CACNA1E: variants seen among roughly 807,000 people sequenced by gnomAD.
CACNA1E encodes the protein calcium voltage-gated channel subunit alpha1 E.
CACNA1E carries 40 observed loss-of-function variants against 259.2 expected under a neutral mutation model. That is an observed-to-expected ratio of 0.15 (90% CI 0.12 to 0.20). The LOEUF (loss-of-function observed/expected upper bound fraction) is 0.20. Among genes scored for constraint, CACNA1E ranks in the 10% least tolerant of loss-of-function variants. The pLI is 1.00. For synonymous variants in CACNA1E, 1,104 were observed against 1,138.5 expected (o/e 0.97, Z 0.61); for missense variants, 1,874 against 3,040.1 (o/e 0.62, Z 9.02).
At chr1:181,319,767 T>C (rs993884567) in intron 1 of CACNA1E, among the ~76,000 whole-genome samples, 7 of 152,226 alleles carry the variant, frequency 4.6e-5, no homozygotes, top group African/African-American at 1.2e-4. Flanking sequence ...TATGCTAGGT[T>C]AGAGGTAGGG....
chr1:181,356,622 A>G (rs748862430), intron 1 of CACNA1E, among the ~76,000 whole-genome samples: 80 of 152,334 alleles, frequency 5.3e-4, no homozygotes, highest in Non-Finnish European at 2.1e-4. Context: ...GAAGAGAGCC[A>G]GGTCTGCTCT....
At chr1:181,579,641 CTCTG>C (rs1371088480) in intron 5 of CACNA1E, among the ~76,000 whole-genome samples, 3 of 152,066 alleles carry the variant, frequency 2.0e-5, no homozygotes, top group African/African-American at 7.2e-5. Context: ...GTCCCTATCT[CTCTG>C]TCTACAGAAA....
chr1:181,474,856 A>G (rs187346174), intron 2 of CACNA1E, among the ~76,000 whole-genome samples: 6 of 152,338 alleles, frequency 3.9e-5, no homozygotes, highest in African/African-American at 1.4e-4. Context: ...CCTATTGTTT[A>G]ATGATTGATA....
intron 3 of CACNA1E, among the ~76,000 whole-genome samples, chr1:181,517,963 T>C (rs1324280119): frequency 1.3e-5 from 2 of 152,060 alleles, no homozygotes; most frequent in African/African-American, 2.4e-5. Flanking sequence ...AATAGTATGA[T>C]ATCAGTGGGT....
At chr1:181,792,807 A>G (rs533759133) in intron 44 of CACNA1E, among the ~76,000 whole-genome samples, 5 of 152,236 alleles carry the variant, frequency 3.3e-5, no homozygotes, top group Non-Finnish European at 7.3e-5. Context: ...TCTTTATGCA[A>G]TGATACTAGC....
At chr1:181,400,815 C>G (rs1163111439) in intron 1 of CACNA1E, among the ~76,000 whole-genome samples, 1 of 152,136 alleles carries the variant, frequency 6.6e-6, no homozygotes, top group Admixed American at 6.5e-5. Flanking sequence ...CTTTGCAAAG[C>G]TGTCTCTGTC....
chr1:181,350,538 G>A lies in CACNA1E; in HGVS notation c.-15+32415G>A, dbSNP rs1229671556. 2.0e-5 allele frequency among the ~76,000 whole-genome samples: 3 copies of A among 152,166 alleles called. No homozygotes were observed. The East Asian group carries it at 5.8e-4, about 29-fold the overall frequency. ...CTCCAATGGAACCTCACAAGGACTC[G>A]CAGAGCTCAGCTTGCCCAGGACTGA... On this transcript the variant is annotated intron_variant, in intron 1 of 11. Coordinates refer to the CACNA1E transcript ENST00000524607.
intron 6 of CACNA1E, among the ~76,000 whole-genome samples, chr1:181,641,019 C>T (rs1657697274): frequency 6.6e-6 from 1 of 152,178 alleles, no homozygotes; most frequent in African/African-American, 2.4e-5. Context: ...CTGAGTGCAG[C>T]ACTTAATGTT....
intron 1 of CACNA1E, among the ~76,000 whole-genome samples, chr1:181,382,171 A>C (rs996037343): frequency 6.6e-6 from 1 of 152,092 alleles, no homozygotes; most frequent in Non-Finnish European, 1.5e-5. Context: ...AGATGAGGGG[A>C]AAAGTGTTCC....
At chr1:181,422,748 G>C (rs190730358) in intron 2 of CACNA1E, among the ~76,000 whole-genome samples, 62 of 152,174 alleles carry the variant, frequency 4.1e-4, no homozygotes, top group African/African-American at 1.4e-3. Context: ...TTGATGTCTG[G>C]TTCCTCACCT....
At chr1:181,355,564 G>A (rs1434082690) in intron 1 of CACNA1E, among the ~76,000 whole-genome samples, 1 of 151,692 alleles carries the variant, frequency 6.6e-6, no homozygotes, top group African/African-American at 2.4e-5. Context: ...ACCCAGTCTG[G>A]GTGACAGAGT....
At chr1:181,679,688 C>T (rs1649738491) in intron 7 of CACNA1E, among the ~76,000 whole-genome samples, 1 of 152,174 alleles carries the variant, frequency 6.6e-6, no homozygotes, top group Admixed American at 6.5e-5. Context: ...AGATCTTTGT[C>T]CTCCTCCTGT....
At chr1:181,725,064 A>G (rs1654773748) in intron 17 of CACNA1E, among the ~76,000 whole-genome samples, 1 of 152,198 alleles carries the variant, frequency 6.6e-6, no homozygotes, top group Non-Finnish European at 1.5e-5. Flanking sequence ...CTTTTCTCTG[A>G]TTAATTTCCC....
intron 1 of CACNA1E, among the ~76,000 whole-genome samples, chr1:181,353,825 C>T (rs1270301966): frequency 2.0e-5 from 3 of 152,138 alleles, no homozygotes; most frequent in African/African-American, 7.2e-5. Context: ...GGCTACCACA[C>T]TGAGGAAGGA....
chr1:181,391,004 A>G (rs2609477), intron 1 of CACNA1E, among the ~76,000 whole-genome samples: 70,017 of 151,950 alleles, frequency 0.46, 16,329 homozygotes, highest in African/African-American at 0.53. Context: ...TAAGCCAAAA[A>G]TCTGGAGGAG....
intron 25 of CACNA1E, among the ~76,000 whole-genome samples, chr1:181,746,584 G>C (rs1290410102): frequency 6.6e-6 from 1 of 152,140 alleles, no homozygotes; most frequent in Non-Finnish European, 1.5e-5. Context: ...AGATCCTTCT[G>C]TCTCTACCTG....
chr1:181,434,024 T>C (rs1659907990), intron 2 of CACNA1E, among the ~76,000 whole-genome samples: 2 of 152,192 alleles, frequency 1.3e-5, no homozygotes, highest in Non-Finnish European at 1.5e-5. Context: ...TCCACGCTCA[T>C]TGGTCTAGGT....
intron 3 of CACNA1E, among the ~76,000 whole-genome samples, chr1:181,564,139 C>G (rs572810432): frequency 4.8e-4 from 73 of 152,246 alleles, no homozygotes; most frequent in African/African-American, 1.7e-3. Flanking sequence ...TAAAATAAGA[C>G]AAGAACAAAC....
rs183272790 is a variant in CACNA1E at position 181,642,573 on chromosome 1, C to G, written c.952-8765C>G. ...TCACCTCCCCTCTTGTTTTCAGAGC[C>G]CTTTCTGGTGCTTGCCACTCTTTAA... On this transcript the variant is annotated intron_variant, in intron 6 of 47. Coordinates refer to ENST00000367573, the MANE Select transcript of CACNA1E (RefSeq NM_001205293.3). 2.5e-3 allele frequency among the ~76,000 whole-genome samples: 375 copies of G among 152,314 alleles called. 2 individuals carry two copies. The highest frequency in any genetic ancestry group is 8.6e-3 in the African/African-American group (358 of 41,574).
Sources: allele counts gnomAD v4.1 joint callset (sites outside exome capture counted in the v4.1 genomes callset), GRCh38; gene constraint gnomAD v4.1.1; transcripts MANE v1.5; gene names NCBI Gene and HGNC (gene_info 2026-07-23, HGNC 2026-07-21).